Variants in SNX7 observed in about 807,000 individuals in gnomAD.
SNX7 encodes the protein sorting nexin-7.
Under a neutral mutation model 48.4 loss-of-function variants are expected in SNX7, and 35 were observed. The observed-to-expected ratio is 0.72, with a 90% CI of 0.55 to 0.96. The LOEUF is 0.96. Ranked by LOEUF, SNX7 falls within the 40% of genes least tolerant of loss-of-function variation. The pLI is 0.00. For missense variants in SNX7, 553 were observed against 548.9 expected (o/e 1.01, Z -0.07); for synonymous variants, 190 against 190.2 (o/e 1.00, Z 0.01).
chr1:98,742,962 G>A (rs1278145109), intron 8 of SNX7, among the ~76,000 whole-genome samples: 1 of 151,612 alleles, frequency 6.6e-6, no homozygotes, highest in Non-Finnish European at 1.5e-5. Context: ...TCATACTGAT[G>A]TATATTTATT....
intron 7 of SNX7, among the ~76,000 whole-genome samples, chr1:98,726,848 C>G (rs1329401275): frequency 6.6e-6 from 1 of 152,200 alleles, no homozygotes; most frequent in African/African-American, 2.4e-5. Context: ...GACCTTCCCT[C>G]TCATATTCAT....
At chr1:98,702,409 TACA>T (rs1361574516) in intron 7 of SNX7, among the ~76,000 whole-genome samples, 3 of 152,176 alleles carry the variant, frequency 2.0e-5, no homozygotes, top group African/African-American at 7.2e-5. Context: ...GATCTAATAA[TACA>T]ATGAGCTCTC....
intron 1 of SNX7, among the ~76,000 whole-genome samples, chr1:98,671,720 C>A (rs926777099): frequency 2.0e-5 from 3 of 152,188 alleles, no homozygotes; most frequent in Admixed American, 2.0e-4. Flanking sequence ...TAGACAAAAA[C>A]CACTCATCTA....
Position 98,728,840 on chromosome 1 carries a change from ATAG to A in SNX7, c.1126-9393_1126-9391del, listed in dbSNP as rs539468785. Reference sequence around the variant, plus strand: ...AAAAGGCTTAGATTCCCACATAATAATAGTAGGATACTTTAACTTACCACTTTC... The same window carrying A: ...AAAAGGCTTAGATTCCCACATAATAATAGGATACTTTAACTTACCACTTTC... On this transcript the variant is annotated intron_variant, in intron 7 of 8. Coordinates refer to ENST00000306121, the MANE Select transcript of SNX7 (RefSeq NM_015976.5). 1.4e-4 allele frequency among the ~76,000 whole-genome samples: 22 copies of A among 152,294 alleles called. No homozygotes were observed. The South Asian group carries it at 4.1e-3, about 29-fold the overall frequency.
intron 1 of SNX7, among the ~76,000 whole-genome samples, chr1:98,681,852 A>G (rs1650507710): frequency 6.6e-6 from 1 of 152,204 alleles, no homozygotes; most frequent in African/African-American, 2.4e-5. Context: ...TACTATGGTT[A>G]GGTAGGAGAG....
intron 6 of SNX7, among the ~76,000 whole-genome samples, chr1:98,699,159 A>G (rs978084584): frequency 3.3e-5 from 5 of 152,318 alleles, no homozygotes; most frequent in East Asian, 1.9e-4. Context: ...AGCATCCTCA[A>G]TCAAAATTTA....
At chr1:98,732,577 G>T (rs1265666027) in intron 7 of SNX7, among the ~76,000 whole-genome samples, 1 of 152,100 alleles carries the variant, frequency 6.6e-6, no homozygotes, top group Non-Finnish European at 1.5e-5. Context: ...GCAGCTTCTT[G>T]CATGACTCAG....
intron 7 of SNX7, among the ~76,000 whole-genome samples, chr1:98,707,075 T>C (rs554173524): frequency 6.6e-6 from 1 of 152,188 alleles, no homozygotes; most frequent in Non-Finnish European, 1.5e-5. Context: ...CATTAAAGTA[T>C]GAGCCTTTAC....
At position 98,760,401 on chromosome 1, in the gene SNX7, C is replaced by A; in HGVS notation, c.*270C>A. ...TAATTATGTTCTTAAATTTGTGTGCCAATAATTGCATATAGATTTTTTTTC... is the reference window on the plus strand; with the variant it reads ...TAATTATGTTCTTAAATTTGTGTGCAAATAATTGCATATAGATTTTTTTTC... On this transcript the variant is annotated 3_prime_UTR_variant, in exon 9 of 9. Coordinates refer to ENST00000306121, the MANE Select transcript of SNX7 (RefSeq NM_015976.5). The A allele has an allele frequency of 3.6e-6, 1 of 279,538 alleles. No homozygotes were observed. Among genetic ancestry groups the A allele is most frequent in the Non-Finnish European group, 6.7e-6 (1 of 150,366 alleles). The allele number at this position is 279,538 out of a possible 1,614,324, so 17.3% of individuals were successfully genotyped here.
At chr1:98,738,474 A>T (rs891851961) in intron 8 of SNX7, 85 bp downstream of exon 8, 1 of 1,327,334 alleles carries the variant, frequency 7.5e-7, no homozygotes. Context: ...AGAGTGTATT[A>T]AAGAACAAGT....
intron 6 of SNX7, among the ~76,000 whole-genome samples, chr1:98,701,439 A>G (rs564719117): frequency 2.0e-5 from 3 of 152,176 alleles, no homozygotes; most frequent in Admixed American, 1.3e-4. Context: ...CCCACCCATA[A>G]CTAGTTTATG....
At chr1:98,748,637 A>AACACAC (rs58973289) in intron 8 of SNX7, among the ~76,000 whole-genome samples, 13,815 of 145,752 alleles carry the variant, frequency 0.095, 700 homozygotes, top group African/African-American at 0.13. Context: ...AAATGATTTA[A>AACACAC]ACACACACAC....
At chr1:98,694,578 C>T (rs1651340434) in intron 4 of SNX7, among the ~76,000 whole-genome samples, 1 of 142,034 alleles carries the variant, frequency 7.0e-6, no homozygotes, top group South Asian at 2.3e-4. Context: ...TCTTGCTCTA[C>T]CACTTAATTG....
intron 1 of SNX7, among the ~76,000 whole-genome samples, chr1:98,678,808 A>G (rs538449466): frequency 6.2e-4 from 94 of 152,242 alleles, no homozygotes; most frequent in Non-Finnish European, 1.0e-3. Context: ...CATATAATTA[A>G]TTTAAACAAA....
chr1:98,681,964 TTCTC>T (rs1452977732), intron 1 of SNX7, among the ~76,000 whole-genome samples: 4 of 152,106 alleles, frequency 2.6e-5, no homozygotes, highest in South Asian at 4.1e-4. Flanking sequence ...ATCCCTCCTT[TTCTC>T]TCTTTTGCTT....
intron 7 of SNX7, among the ~76,000 whole-genome samples, chr1:98,705,034 ATT>A: frequency 6.6e-6 from 1 of 152,300 alleles, no homozygotes; most frequent in East Asian, 1.9e-4. Context: ...ATAATCCTGC[ATT>A]TGAACAATAA....
chr1:98,686,988 A>G (rs1408707671), intron 2 of SNX7, among the ~76,000 whole-genome samples: 1 of 152,118 alleles, frequency 6.6e-6, no homozygotes, highest in Non-Finnish European at 1.5e-5. Context: ...GAGTTTTTCT[A>G]TTTACACATA....
chr1:98,693,172 A>AGATGGATGGATG (rs10589894), intron 4 of SNX7, among the ~76,000 whole-genome samples: 47 of 151,270 alleles, frequency 3.1e-4, no homozygotes, highest in African/African-American at 1.1e-3. Flanking sequence ...GGATGAATGG[A>AGATGGATGGATG]GATGGATGGA....
intron 6 of SNX7, among the ~76,000 whole-genome samples, chr1:98,701,543 A>G (rs1227685024): frequency 6.6e-6 from 1 of 152,064 alleles, no homozygotes; most frequent in Non-Finnish European, 1.5e-5. Context: ...CACCAAATGT[A>G]GTACATATGT....
Sources: allele counts gnomAD v4.1 joint callset (sites outside exome capture counted in the v4.1 genomes callset), GRCh38; gene constraint gnomAD v4.1.1; transcripts MANE v1.5; gene names NCBI Gene and HGNC (gene_info 2026-07-23, HGNC 2026-07-21).